Variants in AGBL3 observed in about 807,000 individuals in gnomAD.
The protein encoded by AGBL3 is AGBL carboxypeptidase 3.
Under a neutral mutation model 94.5 loss-of-function variants are expected in AGBL3, and 68 were observed. The observed-to-expected ratio is 0.72, with a 90% confidence interval of 0.59 to 0.88. The LOEUF (loss-of-function observed/expected upper bound fraction) is 0.88. AGBL3 is among the 40% of genes least tolerant of loss of function. The pLI, the probability that AGBL3 is intolerant of heterozygous loss-of-function variation, is 0.00. For synonymous variants in AGBL3, 354 were observed against 370.7 expected (o/e 0.95, Z 0.52); for missense variants, 934 against 1,103.8 (o/e 0.85, Z 2.18).
intron 15 of AGBL3, among the ~76,000 whole-genome samples, chr7:135,113,840 C>T (rs1265995390): frequency 6.6e-6 from 1 of 152,168 alleles, no homozygotes; most frequent in East Asian, 1.9e-4. Flanking sequence ...GGAAACCATC[C>T]TTCTACTTTT....
chr7:135,128,492 G>A (rs1828268318), intron 16 of AGBL3: 2 of 756,270 alleles, frequency 2.6e-6, no homozygotes, highest in Non-Finnish European at 5.0e-6. Flanking sequence ...GCCCCAGTGA[G>A]TATTTACGAT....
chr7:135,106,362 T>C (rs571311875), intron 15 of AGBL3, among the ~76,000 whole-genome samples: 4 of 151,894 alleles, frequency 2.6e-5, no homozygotes, highest in African/African-American at 9.6e-5. Context: ...GCTGTGGGCA[T>C]GTCATAGATA....
chr7:135,106,593 T>C (rs1457757101), intron 15 of AGBL3, among the ~76,000 whole-genome samples: 1 of 152,238 alleles, frequency 6.6e-6, no homozygotes, highest in African/African-American at 2.4e-5. Context: ...AGCTTTTTGA[T>C]GTGCTGCTGG....
At chr7:135,035,037 T>A (rs1177232817) in intron 7 of AGBL3, 109 bp downstream of exon 7, 1 of 1,000,376 alleles carries the variant, frequency 1.0e-6, no homozygotes, top group Non-Finnish European at 1.4e-6. Context: ...ATAGTCTAAC[T>A]ACTGTATAAC....
chr7:135,041,529 C>T (rs553573294), intron 8 of AGBL3, among the ~76,000 whole-genome samples: 2 of 151,996 alleles, frequency 1.3e-5, no homozygotes, highest in African/African-American at 2.4e-5. Context: ...AAATAAGTGT[C>T]GGAACAATTG....
At chr7:135,071,940 C>T (rs544478003) in intron 12 of AGBL3, among the ~76,000 whole-genome samples, 40 of 152,230 alleles carry the variant, frequency 2.6e-4, no homozygotes, top group South Asian at 2.5e-3. Context: ...AGAGCTTCTG[C>T]ACAGCAAAAG....
chr7:135,115,728 T>C, intron 16 of AGBL3, 117 bp downstream of exon 16: 1 of 825,786 alleles, frequency 1.2e-6, no homozygotes, highest in Non-Finnish European at 1.8e-6. Flanking sequence ...TGATGTCAGC[T>C]CCATCACATT....
intron 11 of AGBL3, among the ~76,000 whole-genome samples, chr7:135,050,165 GA>G (rs1377135675): frequency 2.0e-5 from 3 of 151,754 alleles, no homozygotes; most frequent in African/African-American, 7.3e-5. Flanking sequence ...GATTGTTCAA[GA>G]TTCTGCGTTT....
Position 135,034,878 on chromosome 7 carries a change from C to T in AGBL3, c.1287C>T (p.Leu429=), listed in dbSNP as rs1314255674. ...GRDLNRNYTS[L]LKESFPSVWY... ...ATTTAAACCGTAATTATACATCTCT[C>T]CTGAAGGAATCTTTTCCTTCTGTAT... is the stretch of plus-strand genomic sequence containing the variant. The change falls in exon 7 of 17, where the codon CTC becomes CTT. Residue 429 remains leucine (L), a synonymous_variant. Coordinates refer to ENST00000436302, the MANE Select transcript of AGBL3 (RefSeq NM_178563.4). 27 of 1,547,794 alleles carry T rather than the reference C, an allele frequency of 1.7e-5. No homozygotes were observed. The South Asian group carries it at 3.0e-4, about 17-fold the overall frequency.
intron 15 of AGBL3, among the ~76,000 whole-genome samples, chr7:135,101,943 G>C (rs1280316711): frequency 6.6e-6 from 1 of 152,166 alleles, no homozygotes; most frequent in Non-Finnish European, 1.5e-5. Flanking sequence ...AGATCCGTTG[G>C]TTTTATAAGG....
chr7:135,055,094 C>A (rs899766507), intron 11 of AGBL3, among the ~76,000 whole-genome samples: 2 of 152,122 alleles, frequency 1.3e-5, no homozygotes, highest in Non-Finnish European at 2.9e-5. Flanking sequence ...CTTGTGGGAA[C>A]GAATCCATCA....
chr7:135,024,124 G>C (rs1264164399), intron 5 of AGBL3, among the ~76,000 whole-genome samples: 1 of 152,172 alleles, frequency 6.6e-6, no homozygotes, highest in African/African-American at 2.4e-5. Context: ...CGTCTGGGAA[G>C]GGTGTGGTGT....
At chr7:135,122,718 T>C (rs148405197) in intron 16 of AGBL3, among the ~76,000 whole-genome samples, 211 of 152,064 alleles carry the variant, frequency 1.4e-3, no homozygotes, top group Admixed American at 2.4e-3. Flanking sequence ...CCTCCTTGAG[T>C]GACATCTCCA....
Position 135,095,549 on chromosome 7 carries a change from C to T in AGBL3, c.2110+13759C>T, listed in dbSNP as rs146775743. ...GCCTATTAACTTCAGTTTTTGTTAC[C>T]CACTGTCCTGTGACCAACAAAAGAT... On this transcript the variant is annotated intron_variant, in intron 15 of 16. Transcript: ENST00000436302. Among the ~76,000 whole-genome samples the T allele has an allele frequency of 2.5e-3, 385 of 152,194 alleles. 1 individual carries two copies. The highest frequency in any genetic ancestry group is 8.6e-3 in the African/African-American group (359 of 41,548).
intron 15 of AGBL3, among the ~76,000 whole-genome samples, chr7:135,111,796 AC>A (rs1264595837): frequency 6.6e-6 from 1 of 152,104 alleles, no homozygotes; most frequent in East Asian, 1.9e-4. Context: ...GGTCTTTCTC[AC>A]CACATACTTT....
At chr7:135,063,786 A>G (rs1370608769) in intron 12 of AGBL3, among the ~76,000 whole-genome samples, 1 of 152,212 alleles carries the variant, frequency 6.6e-6, no homozygotes, top group Non-Finnish European at 1.5e-5. Context: ...TTACTTCTGC[A>G]TATCAATTTC....
chr7:135,041,146 C>T (rs991900447), intron 8 of AGBL3, among the ~76,000 whole-genome samples: 1 of 152,058 alleles, frequency 6.6e-6, no homozygotes, highest in Non-Finnish European at 1.5e-5. Flanking sequence ...ATGGAGACAA[C>T]GTGCTGTATT....
chr7:135,094,264 CTA>C, intron 15 of AGBL3: 1 of 399,596 alleles, frequency 2.5e-6, no homozygotes, highest in South Asian at 1.8e-5. Context: ...GCTGAACAAA[CTA>C]AAAATCAGCA....
chr7:135,119,197 C>T (rs1826759943), intron 16 of AGBL3, among the ~76,000 whole-genome samples: 1 of 151,754 alleles, frequency 6.6e-6, no homozygotes, highest in Admixed American at 6.6e-5. Context: ...ATAGGATACA[C>T]CCAAAGAAAT....
Sources: gnomAD v4.1 joint callset for allele counts (sites outside exome capture counted in the v4.1 genomes callset) on GRCh38, gnomAD v4.1.1 for gene constraint, MANE v1.5 for transcripts, NCBI Gene and HGNC (gene_info 2026-07-23, HGNC 2026-07-21) for gene names.